Variants in SDC2 observed in about 807,000 individuals in gnomAD.
SDC2 encodes the protein syndecan 2, also known as syndecan-2.
SDC2 carries 13 observed loss-of-function variants against 22.2 expected under a neutral mutation model. The ratio of observed to expected loss-of-function variants is 0.59; its 90% CI spans 0.38 to 0.93. SDC2 has a LOEUF of 0.93. Among genes scored for constraint, SDC2 ranks in the 40% least tolerant of loss-of-function variants. The probability of loss-of-function intolerance (pLI) is 0.00; values close to 1 mark genes in which losing one functional copy is unlikely to be tolerated. For synonymous variants in SDC2, 94 were observed against 92.8 expected (o/e 1.01, Z -0.07); for missense variants, 235 against 246.8 (o/e 0.95, Z 0.32).
At chr8:96,580,357 TC>T (rs1814569999) in intron 1 of SDC2, 1 of 984,646 alleles carries the variant, frequency 1.0e-6, no homozygotes, top group South Asian at 4.7e-5. Context: ...ATGTCTTTGT[TC>T]CAGAGCATTT....
At chr8:96,498,238 C>A (rs1451697898) in intron 1 of SDC2, among the ~76,000 whole-genome samples, 1 of 152,112 alleles carries the variant, frequency 6.6e-6, no homozygotes, top group Non-Finnish European at 1.5e-5. Flanking sequence ...GCAGATATCC[C>A]CCTGCCTTCT....
chr8:96,602,266 A>C, intron 2 of SDC2, 129 bp from the exon 3 acceptor site: 1 of 912,204 alleles, frequency 1.1e-6, no homozygotes, highest in South Asian at 1.7e-5. Context: ...CTTTGTGCTG[A>C]AGTCTTAAAG....
intron 1 of SDC2, among the ~76,000 whole-genome samples, chr8:96,523,523 A>C (rs1364878399): frequency 6.6e-6 from 1 of 152,152 alleles, no homozygotes; most frequent in African/African-American, 2.4e-5. Flanking sequence ...GGAGATTTAC[A>C]TCTGTAAGCC....
intron 1 of SDC2, among the ~76,000 whole-genome samples, chr8:96,592,304 A>G (rs972667845): frequency 6.6e-6 from 1 of 152,242 alleles, no homozygotes; most frequent in Non-Finnish European, 1.5e-5. Flanking sequence ...CTGTCCTCTT[A>G]GGAAGGTTCC....
intron 1 of SDC2, among the ~76,000 whole-genome samples, chr8:96,545,299 C>T (rs1246430116): frequency 6.6e-6 from 1 of 152,168 alleles, no homozygotes; most frequent in Non-Finnish European, 1.5e-5. Context: ...ACATTTCACT[C>T]CATTTTCTTC....
intron 1 of SDC2, among the ~76,000 whole-genome samples, chr8:96,554,810 G>T (rs1245075541): frequency 1.3e-5 from 2 of 152,142 alleles, no homozygotes; most frequent in African/African-American, 2.4e-5. Context: ...AGGTCTGGCG[G>T]CTGCTTGTTT....
intron 1 of SDC2, among the ~76,000 whole-genome samples, chr8:96,583,637 C>CTAT (rs1294861412): frequency 2.1e-5 from 3 of 143,844 alleles, no homozygotes; most frequent in Admixed American, 1.4e-4. Flanking sequence ...TCTTCATTTT[C>CTAT]TATTCCCTTT....
At chr8:96,602,214 C>T (rs2130652765) in intron 2 of SDC2, among the ~76,000 whole-genome samples, 181 bp from the exon 3 acceptor site, 1 of 152,340 alleles carries the variant, frequency 6.6e-6, no homozygotes, top group East Asian at 1.9e-4. Context: ...CCCACAGACA[C>T]CTTTGAAATC....
rs1813009611 is a variant in SDC2, at chr8:96,494,199, C to G, written c.-73C>G. On this transcript the variant is annotated 5_prime_UTR_variant, in exon 1 of 5. Coordinates refer to ENST00000302190, the MANE Select transcript of SDC2 (RefSeq NM_002998.4). ...CCGGATTCGTGTGCGCGGGCTGCGC[C>G]GAGCGCTGGGCAGGAGGCTTCGTTT... 2.1e-6 allele frequency: 3 copies of G among 1,458,208 alleles called. No individual in the cohort carries two copies. Among genetic ancestry groups the G allele is most frequent in the Non-Finnish European group, 2.8e-6 (3 of 1,079,106 alleles). 90.3% of individuals were successfully genotyped at this position (1,458,208 alleles called of 1,614,324 possible).
At chr8:96,495,148 C>T (rs1015029709) in intron 1 of SDC2, among the ~76,000 whole-genome samples, 2 of 152,170 alleles carry the variant, frequency 1.3e-5, no homozygotes, top group East Asian at 3.9e-4. Flanking sequence ...ACGTGTGACA[C>T]GGCGCTCGGC....
At chr8:96,499,874 G>A (rs1302458925) in intron 1 of SDC2, among the ~76,000 whole-genome samples, 3 of 151,918 alleles carry the variant, frequency 2.0e-5, no homozygotes, top group Admixed American at 6.6e-5. Flanking sequence ...TAGTGCTATA[G>A]GAAGAAACCA....
chr8:96,564,034 A>G (rs1586302190), intron 1 of SDC2, among the ~76,000 whole-genome samples: 1 of 152,146 alleles, frequency 6.6e-6, no homozygotes, highest in Non-Finnish European at 1.5e-5. Flanking sequence ...TAGCCAAGGG[A>G]TGCCAGCATC....
intron 2 of SDC2, among the ~76,000 whole-genome samples, chr8:96,596,348 G>C (rs148517796): frequency 1.3e-5 from 2 of 152,306 alleles, no homozygotes; most frequent in East Asian, 3.9e-4. Flanking sequence ...CTTTCATCCA[G>C]CTATCCAGTA....
chr8:96,493,946 A>C lies in SDC2; in HGVS notation c.-326A>C. ...AAACTGAACCTCGGCACGGGAAAGG[A>C]GTCCGCGGAGGAGCAAAACCACAGC... On this transcript the variant is annotated 5_prime_UTR_variant, in exon 1 of 5. Transcript: ENST00000302190. The C allele has an allele frequency of 2.6e-6, 1 of 379,732 alleles. No homozygotes were observed. Among genetic ancestry groups the C allele is most frequent in the Non-Finnish European group, 4.7e-6 (1 of 212,734 alleles). The allele number at this position is 379,732 out of a possible 1,614,324, so 23.5% of individuals were successfully genotyped here. A position where few individuals can be genotyped will look rare whatever the true frequency, so the allele number is the denominator to read the frequency against.
rs1225034584 is a variant in SDC2 at position 96,576,374 on chromosome 8, G to GTTT, written c.61-17104_61-17102dup. The stretch of plus-strand genomic sequence containing the variant: ...GTTCAATAATTGGTAGTTTGTTTTT[G>GTTT]TTTTGTTTTGTTTTTTTTTACCAGA... On this transcript the variant is annotated intron_variant, in intron 1 of 4. Transcript: ENST00000302190. 5.2e-4 allele frequency among the ~76,000 whole-genome samples: 21 copies of GTTT among 40,636 alleles called. 1 individual carries two copies. The highest frequency in any genetic ancestry group is 7.2e-4 in the Non-Finnish European group (15 of 20,836). 26.7% of individuals were successfully genotyped at this position (40,636 alleles called of 152,430 possible).
chr8:96,564,556 G>C (rs1814266173), intron 1 of SDC2, among the ~76,000 whole-genome samples: 1 of 152,186 alleles, frequency 6.6e-6, no homozygotes, highest in East Asian at 1.9e-4. Flanking sequence ...GAGAGGTAAA[G>C]GGTCTCTAAT....
chr8:96,593,642 A>T, intron 2 of SDC2, 51 bp downstream of exon 2: 1 of 1,170,580 alleles, frequency 8.5e-7, no homozygotes, highest in Non-Finnish European at 1.3e-6. Flanking sequence ...GCATGCACGC[A>T]CACACATTTT....
intron 1 of SDC2, chr8:96,584,911 C>T (rs970748254): frequency 2.0e-5 from 3 of 152,220 alleles, no homozygotes; most frequent in Non-Finnish European, 4.4e-5. Flanking sequence ...TATACATTGC[C>T]TCATACATCC....
At chr8:96,595,787 C>G (rs1033458858) in intron 2 of SDC2, among the ~76,000 whole-genome samples, 1 of 152,096 alleles carries the variant, frequency 6.6e-6, no homozygotes, top group East Asian at 1.9e-4. Context: ...CTCTACAGAC[C>G]CCCTGCCCCC....
Sources: allele counts gnomAD v4.1 joint callset (sites outside exome capture counted in the v4.1 genomes callset), GRCh38; gene constraint gnomAD v4.1.1; transcripts MANE v1.5; gene names NCBI Gene and HGNC (gene_info 2026-07-23, HGNC 2026-07-21).